Variants in ARHGAP25 observed in about 807,000 individuals in gnomAD.
The protein encoded by ARHGAP25 is rho GTPase-activating protein 25.
In ARHGAP25, 34 loss-of-function variants were observed where a neutral mutation model predicts 71.0. The ratio of observed to expected loss-of-function variants is 0.48; its 90% CI spans 0.36 to 0.64. The LOEUF (loss-of-function observed/expected upper bound fraction) is 0.64. Among genes scored for constraint, ARHGAP25 ranks in the 30% least tolerant of loss-of-function variants. The probability of loss-of-function intolerance (pLI) is 0.00; values close to 1 mark genes in which losing one functional copy is unlikely to be tolerated. For missense variants in ARHGAP25, 706 were observed against 805.1 expected (o/e 0.88, Z 1.49); for synonymous variants, 282 against 296.5 (o/e 0.95, Z 0.50).
intron 1 of ARHGAP25, among the ~76,000 whole-genome samples, chr2:68,740,772 T>C (rs184460535): frequency 3.3e-5 from 5 of 152,356 alleles, no homozygotes; most frequent in African/African-American, 4.8e-5. Context: ...CTTTGGCTTT[T>C]GAACAAAATG....
At chr2:68,783,472 T>G (rs1326080877) in intron 3 of ARHGAP25, among the ~76,000 whole-genome samples, 4 of 151,978 alleles carry the variant, frequency 2.6e-5, no homozygotes, top group East Asian at 1.9e-4. Context: ...TTTTGTTTTT[T>G]TTTTTGAGTT....
intron 2 of ARHGAP25, among the ~76,000 whole-genome samples, chr2:68,715,381 A>G (rs1674584689): frequency 6.6e-6 from 1 of 152,176 alleles, no homozygotes; most frequent in South Asian, 2.1e-4. Context: ...AAGACAGCCA[A>G]TCAAACAACC....
chr2:68,718,258 T>A (rs1674667135), intron 2 of ARHGAP25, among the ~76,000 whole-genome samples: 1 of 152,174 alleles, frequency 6.6e-6, no homozygotes, highest in Non-Finnish European at 1.5e-5. Context: ...CACATCACAT[T>A]TTCTTTTTCT....
At chr2:68,790,210 C>T (rs1330034982) in intron 4 of ARHGAP25, among the ~76,000 whole-genome samples, 1 of 152,122 alleles carries the variant, frequency 6.6e-6, no homozygotes, top group Non-Finnish European at 1.5e-5. Context: ...AGGCTGGTCT[C>T]GAACTCCTGA....
chr2:68,783,900 C>A lies in ARHGAP25; in HGVS notation c.349+1580C>A, dbSNP rs547274448. ...CAAAGGTTATTCTGTTCTTAGGATG[C>A]TTCTCCCAGTGCAATTCATGGGACA... is the stretch of plus-strand genomic sequence containing the variant. On this transcript the variant is annotated intron_variant, in intron 3 of 10. Coordinates refer to ENST00000409202, the MANE Select transcript of ARHGAP25 (RefSeq NM_001007231.3). 3.2e-4 allele frequency among the ~76,000 whole-genome samples: 49 copies of A among 152,306 alleles called. No homozygotes were observed. In the South Asian group the frequency reaches 9.7e-3, roughly 30 times the overall value.
intron 6 of ARHGAP25, 125 bp from the exon 7 acceptor site, chr2:68,816,164 A>G (rs202117771): frequency 3.0e-5 from 24 of 810,556 alleles, no homozygotes; most frequent in Non-Finnish European, 4.3e-5. Context: ...AACTACAGGA[A>G]CAGGAATGAC....
At chr2:68,808,234 G>A (rs1680521635) in intron 5 of ARHGAP25, among the ~76,000 whole-genome samples, 1 of 152,186 alleles carries the variant, frequency 6.6e-6, no homozygotes, top group Non-Finnish European at 1.5e-5. Flanking sequence ...GCTGGCATAA[G>A]ATTGACTGCT....
intron 1 of ARHGAP25, among the ~76,000 whole-genome samples, chr2:68,766,352 T>C (rs1677122397): frequency 6.6e-6 from 1 of 152,220 alleles, no homozygotes; most frequent in Non-Finnish European, 1.5e-5. Context: ...TGCCCTCTGA[T>C]TGCCAAATCT....
rs573223525 is a variant in ARHGAP25 at position 68,807,697 on chromosome 2, G to C, written c.674+217G>C. Among the ~76,000 whole-genome samples the C allele has an allele frequency of 6.0e-4, 91 of 152,316 alleles. 1 individual carries two copies. Among genetic ancestry groups the C allele is most frequent in the Middle Eastern group, 3.4e-3 (1 of 294 alleles). ...GCAGATAGTTTATGTGACAGATGAT[G>C]TGAACCAGAACTGGAACCCTGCTGG... On this transcript the variant is annotated intron_variant, in intron 5 of 10. Transcript: ENST00000409202.
intron 3 of ARHGAP25, among the ~76,000 whole-genome samples, chr2:68,787,074 C>T (rs1678809126): frequency 1.3e-5 from 2 of 152,180 alleles, no homozygotes; most frequent in African/African-American, 4.8e-5. Context: ...TTGATACTCT[C>T]CTTTTCCCTC....
At chr2:68,744,956 A>C (rs1340322319) in intron 1 of ARHGAP25, among the ~76,000 whole-genome samples, 2 of 152,236 alleles carry the variant, frequency 1.3e-5, no homozygotes, top group African/African-American at 4.8e-5. Flanking sequence ...GTCTTCACAG[A>C]TAAAAAATAA....
intron 6 of ARHGAP25, chr2:68,816,005 A>G (rs1040341305): frequency 2.3e-6 from 1 of 442,406 alleles, no homozygotes; most frequent in African/African-American, 2.0e-5. Flanking sequence ...GTTGTTAAAC[A>G]GTCCTTCCTT....
At chr2:68,794,348 G>C (rs1679392496) in intron 4 of ARHGAP25, among the ~76,000 whole-genome samples, 1 of 152,250 alleles carries the variant, frequency 6.6e-6, no homozygotes, top group East Asian at 1.9e-4. Flanking sequence ...TTTTGTTCCA[G>C]TTCTTAGAGG....
Position 68,807,140 on chromosome 2 carries a change from G to C in ARHGAP25, c.467-133G>C, listed in dbSNP as rs964482725. 3 of 796,540 alleles carry C rather than the reference G, an allele frequency of 3.8e-6. No individual in the cohort carries two copies. The Admixed American group carries it at 6.6e-5, about 17-fold the overall frequency. 49.3% of individuals were successfully genotyped at this position (796,540 alleles called of 1,614,324 possible). A position where few individuals can be genotyped will look rare whatever the true frequency, so the allele number is the denominator to read the frequency against. On this transcript the variant is annotated intron_variant, in intron 4 of 10. Transcript: ENST00000409202. ...TATAGCTTCAGGAAATATTCTGAGTGATTTATCTCCCATATTTTGTCTAGT... is the reference window on the plus strand; with the variant it reads ...TATAGCTTCAGGAAATATTCTGAGTCATTTATCTCCCATATTTTGTCTAGT...
rs7583078 is a variant in ARHGAP25 at position 68,757,992 on chromosome 2, C to A, written c.62-17229C>A. Among the ~76,000 whole-genome samples the A allele has an allele frequency of 8.7e-3, 1,327 of 151,958 alleles. 19 individuals are homozygous for A. Among genetic ancestry groups the A allele is most frequent in the African/African-American group, 0.03 (1,258 of 41,478 alleles). On this transcript the variant is annotated intron_variant, in intron 1 of 10. Coordinates refer to ENST00000409202, the MANE Select transcript of ARHGAP25 (RefSeq NM_001007231.3). ...GTGGGGTGCAGAGCTGTTAAAGGAG[C>A]AGAGTATTTGTATGTTATTAAAGTT...
intron 3 of ARHGAP25, among the ~76,000 whole-genome samples, chr2:68,783,523 C>T (rs979842832): frequency 2.6e-4 from 39 of 151,286 alleles, no homozygotes; most frequent in African/African-American, 8.7e-4. Context: ...AGTGCAGTGG[C>T]GTGATCTGGG....
intron 6 of ARHGAP25, among the ~76,000 whole-genome samples, chr2:68,814,188 A>G (rs1681036740): frequency 6.6e-6 from 1 of 152,266 alleles, no homozygotes; most frequent in Non-Finnish European, 1.5e-5. Context: ...TGGTGCACAG[A>G]AAAATCTATA....
At chr2:68,783,975 G>C (rs1260935465) in intron 3 of ARHGAP25, among the ~76,000 whole-genome samples, 2 of 152,152 alleles carry the variant, frequency 1.3e-5, no homozygotes, top group Non-Finnish European at 1.5e-5. Flanking sequence ...TTTCAATCTA[G>C]AGTAACCCTA....
At chr2:68,770,054 A>C (rs1428595220) in intron 1 of ARHGAP25, among the ~76,000 whole-genome samples, 1 of 152,210 alleles carries the variant, frequency 6.6e-6, no homozygotes, top group African/African-American at 2.4e-5. Context: ...GCTGAATATA[A>C]GGAACAGGCA....
Sources: gnomAD v4.1 joint callset for allele counts (sites outside exome capture counted in the v4.1 genomes callset) on GRCh38, gnomAD v4.1.1 for gene constraint, MANE v1.5 for transcripts, NCBI Gene and HGNC (gene_info 2026-07-23, HGNC 2026-07-21) for gene names.